GLRA3: variants seen among roughly 807,000 people sequenced by gnomAD.
GLRA3 encodes the protein glycine receptor alpha 3.
GLRA3 carries 44 observed loss-of-function variants against 60.4 expected under a neutral mutation model. The ratio of observed to expected loss-of-function variants is 0.73; its 90% CI spans 0.57 to 0.94. The LOEUF is 0.94. Ranked by LOEUF, GLRA3 falls within the 40% of genes least tolerant of loss-of-function variation. The pLI is 0.00. For synonymous variants in GLRA3, 223 were observed against 192.9 expected (o/e 1.16, Z -1.29); for missense variants, 508 against 564.6 (o/e 0.90, Z 1.02).
At chr4:174,828,148 T>G (rs1741053096) in intron 1 of GLRA3, among the ~76,000 whole-genome samples, 1 of 152,176 alleles carries the variant, frequency 6.6e-6, no homozygotes, top group Non-Finnish European at 1.5e-5. Context: ...TAATATTACT[T>G]TACTCAAGAA....
chr4:174,651,995 C>T (rs192116708), intron 9 of GLRA3, among the ~76,000 whole-genome samples: 14 of 151,980 alleles, frequency 9.2e-5, no homozygotes, highest in African/African-American at 3.1e-4. Context: ...AGACCATGAG[C>T]CCCTGGACCT....
At chr4:174,687,173 C>G (rs1337843950) in intron 5 of GLRA3, among the ~76,000 whole-genome samples, 1 of 152,186 alleles carries the variant, frequency 6.6e-6, no homozygotes, top group Non-Finnish European at 1.5e-5. Flanking sequence ...TGTATTTTTA[C>G]TGCCATATCT....
intron 1 of GLRA3, among the ~76,000 whole-genome samples, chr4:174,828,042 T>A (rs1741048847): frequency 6.6e-6 from 1 of 152,138 alleles, no homozygotes; most frequent in Non-Finnish European, 1.5e-5. Context: ...TCTCTTATAC[T>A]CTTTAAATTA....
Position 174,666,907 on chromosome 4 carries a change from G to T in GLRA3, c.928-7710C>A, listed in dbSNP as rs1039520430. On this transcript the variant is annotated intron_variant, in intron 7 of 9. Transcript: ENST00000274093. ...AGATTTCTCCGTATCTACCCCTCCA[G>T]TGACATGAGGGGTTTGTCATAGGGA... 6.6e-5 allele frequency among the ~76,000 whole-genome samples: 10 copies of T among 151,762 alleles called. No homozygotes were observed. The South Asian group carries it at 8.3e-4, about 13-fold the overall frequency.
At chr4:174,674,006 C>CT (rs1397898150) in intron 7 of GLRA3, among the ~76,000 whole-genome samples, 3 of 152,110 alleles carry the variant, frequency 2.0e-5, no homozygotes, top group African/African-American at 7.2e-5. Context: ...TTACTTCTTT[C>CT]TAAAGCCATC....
chr4:174,826,740 C>G (rs1740985029), intron 1 of GLRA3, among the ~76,000 whole-genome samples: 1 of 152,046 alleles, frequency 6.6e-6, no homozygotes, highest in African/African-American at 2.4e-5. Flanking sequence ...AGAATTAATG[C>G]CAATACTTTC....
At position 174,642,084 on chromosome 4, in the gene GLRA3, G is replaced by A. The variant is rs1395908264; in HGVS notation, c.*1702C>T. The A allele has an allele frequency of 2.0e-5, 17 of 865,116 alleles. No homozygotes were observed. The highest frequency in any genetic ancestry group is 2.4e-5 in the Non-Finnish European group (17 of 720,394). 53.6% of individuals were successfully genotyped at this position (865,116 alleles called of 1,614,324 possible). ...AAACATGATATTATTTCCTTATAGTGTTGTTTTAAGTTACTTATAAAGGAG... is the reference window on the plus strand; with the variant it reads ...AAACATGATATTATTTCCTTATAGTATTGTTTTAAGTTACTTATAAAGGAG... On this transcript the variant is annotated 3_prime_UTR_variant, in exon 10 of 10. Coordinates refer to ENST00000274093, the MANE Select transcript of GLRA3 (RefSeq NM_006529.4).
intron 1 of GLRA3, among the ~76,000 whole-genome samples, chr4:174,793,475 C>T (rs1193498380): frequency 6.6e-6 from 1 of 151,012 alleles, no homozygotes; most frequent in Non-Finnish European, 1.5e-5. Flanking sequence ...TATTTAGAGA[C>T]AGGGTCTTGC....
chr4:174,708,535 T>C (rs1735594793), intron 5 of GLRA3, among the ~76,000 whole-genome samples: 1 of 151,824 alleles, frequency 6.6e-6, no homozygotes, highest in South Asian at 2.1e-4. Context: ...TGGCAGACAA[T>C]ACTTCTTCAC....
chr4:174,792,543 C>T (rs113118198), intron 1 of GLRA3, among the ~76,000 whole-genome samples: 1,888 of 152,162 alleles, frequency 0.012, 12 homozygotes, highest in Non-Finnish European at 0.019. Context: ...TCAGCCCATA[C>T]GTGTGGCCTT....
chr4:174,644,035 G>A lies in GLRA3; in HGVS notation c.1146C>T (p.Ser382=), dbSNP rs372873478. The A allele has an allele frequency of 7.1e-5, 114 of 1,613,304 alleles. No individual in the cohort carries two copies. In the African/African-American group the frequency reaches 1.1e-3, roughly 16 times the overall value. The stretch of plus-strand genomic sequence containing the variant: ...ATGGTCCCATTCCATAGGCTGTGAA[G>A]CTGAATCGGCTTTCCCTTACCTCAT... ...MDDEVRESRF[S]FTAYGMGPCL... The change falls in exon 10 of 10, where the codon AGC becomes AGT. Residue 382 remains serine (S), a synonymous_variant. Transcript: ENST00000274093.
In GLRA3 at chr4:174,745,300, C is replaced by T. The variant is rs181187107; in HGVS notation, c.268-16602G>A. On this transcript the variant is annotated intron_variant, in intron 3 of 9. Coordinates refer to ENST00000274093, the MANE Select transcript of GLRA3 (RefSeq NM_006529.4). The stretch of plus-strand genomic sequence containing the variant: ...ATCCATATACAGGAGGCCCAGTGTC[C>T]CCCAAAGAGATACAATGCAAAATGG... Among the ~76,000 whole-genome samples, 49 of 152,162 alleles carry T rather than the reference C, an allele frequency of 3.2e-4. No individual in the cohort carries two copies. In the East Asian group the frequency reaches 8.1e-3, roughly 25 times the overall value.
chr4:174,798,490 A>G (rs1739660500), intron 1 of GLRA3, among the ~76,000 whole-genome samples: 1 of 152,224 alleles, frequency 6.6e-6, no homozygotes, highest in African/African-American at 2.4e-5. Context: ...GGAATATGTG[A>G]TGTTTCGAGT....
chr4:174,666,350 T>C (rs1733662085), intron 7 of GLRA3, among the ~76,000 whole-genome samples: 1 of 152,048 alleles, frequency 6.6e-6, no homozygotes, highest in African/African-American at 2.4e-5. Context: ...ATTTACTAGA[T>C]GAAAACAAAC....
intron 7 of GLRA3, among the ~76,000 whole-genome samples, chr4:174,663,718 C>T (rs1262347229): frequency 6.6e-6 from 1 of 152,158 alleles, no homozygotes; most frequent in Non-Finnish European, 1.5e-5. Context: ...AACTTTGGGG[C>T]TAGTAACTTT....
chr4:174,691,887 T>C (rs1734835580), intron 5 of GLRA3, among the ~76,000 whole-genome samples: 2 of 141,068 alleles, frequency 1.4e-5, no homozygotes, highest in Admixed American at 7.1e-5. Flanking sequence ...TCTGCCTGGC[T>C]GCCCAGTCTG....
intron 4 of GLRA3, among the ~76,000 whole-genome samples, chr4:174,718,531 C>G (rs1736008515): frequency 6.6e-6 from 1 of 152,120 alleles, no homozygotes; most frequent in African/African-American, 2.4e-5. Context: ...TTATTGACCA[C>G]TTTTGTACAA....
intron 7 of GLRA3, among the ~76,000 whole-genome samples, chr4:174,668,007 C>A (rs1356688719): frequency 6.6e-6 from 1 of 152,040 alleles, no homozygotes; most frequent in Non-Finnish European, 1.5e-5. Context: ...TGGCACCATC[C>A]CTCTAGTGCT....
At chr4:174,755,927 C>T (rs1251413349) in intron 3 of GLRA3, among the ~76,000 whole-genome samples, 2 of 151,850 alleles carry the variant, frequency 1.3e-5, no homozygotes, top group African/African-American at 4.8e-5. Flanking sequence ...ACCAAATTAC[C>T]CGTAAGAATA....
Sources: gnomAD v4.1 joint callset for allele counts (sites outside exome capture counted in the v4.1 genomes callset) on GRCh38, gnomAD v4.1.1 for gene constraint, MANE v1.5 for transcripts, NCBI Gene and HGNC (gene_info 2026-07-23, HGNC 2026-07-21) for gene names.